Variants in GCNA observed in about 807,000 individuals in gnomAD.
GCNA encodes the protein germ cell nuclear acidic peptidase.
A neutral mutation model predicts 38.8 loss-of-function variants in GCNA; 3 were observed. The ratio of observed to expected loss-of-function variants is 0.08; its 90% CI spans 0.04 to 0.20. The LOEUF (loss-of-function observed/expected upper bound fraction) is 0.20, where lower values mean the gene tolerates loss of function less well. GCNA is among the 10% of genes least tolerant of loss of function. The pLI, the probability that GCNA is intolerant of heterozygous loss-of-function variation, is 1.00. For missense variants in GCNA, 446 were observed against 578.6 expected, an observed-to-expected ratio of 0.77 and a Z score of 2.35; for synonymous variants, 195 against 240.2, an observed-to-expected ratio of 0.81 and a Z score of 1.74.
chrX:71,600,058 C>T (rs897450287), intron 7 of GCNA, among the ~76,000 whole-genome samples: 8 of 111,985 alleles, frequency 7.1e-5, no homozygotes, highest in African/African-American at 2.6e-4. Flanking sequence ...TTTTTGTTTA[C>T]ATCCAGAATC....
chrX:71,612,324 T>C lies in GCNA; in HGVS notation c.1751-31T>C, dbSNP rs1257350559. On this transcript the variant is annotated intron_variant, in intron 11 of 12. Coordinates refer to ENST00000373696, the MANE Select transcript of GCNA (RefSeq NM_052957.5). ...AAAAAAAAAAGAGGATTGGTTTTAG[T>C]GCTCACATTTCTTTTCATTCTTCTT... is the stretch of plus-strand genomic sequence containing the variant. 37 of 866,347 alleles carry C rather than the reference T, an allele frequency of 4.3e-5. 1 individual carries two copies. The highest frequency in any genetic ancestry group is 3.9e-4 in the African/African-American group (18 of 46,464). 71.4% of individuals were successfully genotyped at this position (866,347 alleles called of 1,213,427 possible).
intron 7 of GCNA, among the ~76,000 whole-genome samples, chrX:71,599,221 G>A (rs184045130): frequency 2.6e-4 from 29 of 110,818 alleles, no homozygotes; most frequent in Non-Finnish European, 5.3e-4. Flanking sequence ...TAGCTAACCC[G>A]GGATATCAGA....
chrX:71,583,793 G>A (rs1309510955), intron 2 of GCNA, among the ~76,000 whole-genome samples: 1 of 103,726 alleles, frequency 9.6e-6, no homozygotes, highest in Non-Finnish European at 2.0e-5. Flanking sequence ...TGCCTCCTGG[G>A]TTCAAGCAAT....
chrX:71,583,242 A>C (rs750911392), intron 2 of GCNA, among the ~76,000 whole-genome samples: 1 of 112,437 alleles, frequency 8.9e-6, no homozygotes, highest in East Asian at 2.8e-4. Flanking sequence ...GCAAGGACAG[A>C]GTGTCACTCA....
intron 2 of GCNA, among the ~76,000 whole-genome samples, chrX:71,588,243 T>C (rs1056804048): frequency 8.9e-6 from 1 of 111,912 alleles, no homozygotes; most frequent in African/African-American, 3.3e-5. Context: ...ATATAGTAGA[T>C]GCTCGATAAA....
chrX:71,597,390 C>T (rs914930045), intron 6 of GCNA, among the ~76,000 whole-genome samples: 5 of 111,388 alleles, frequency 4.5e-5, no homozygotes, highest in Admixed American at 1.9e-4. Flanking sequence ...CCAGGATTAG[C>T]CGAGGATGAG....
chrX:71,612,717 G>A (rs748825198), intron 12 of GCNA, 145 bp from the exon 13 acceptor site: 56 of 972,862 alleles, frequency 5.8e-5, no homozygotes, highest in Non-Finnish European at 4.1e-5. Context: ...AATTTGAGCC[G>A]GCCTGACCAC....
rs981502698 is a variant in GCNA, at chrX:71,594,389, C to T, written c.187+12C>T. The T allele has an allele frequency of 1.7e-6, 2 of 1,184,711 alleles. No homozygotes were observed. The highest frequency in any genetic ancestry group is 3.6e-5 in the African/African-American group (2 of 56,057). On this transcript the variant is annotated intron_variant, in intron 5 of 12. Coordinates refer to ENST00000373696, the MANE Select transcript of GCNA (RefSeq NM_052957.5). ...CACCAGTGGGTCTTGTAAGTAGAGT[C>T]CACTCAAAGCAGGAACATTTTGAAG... is the stretch of plus-strand genomic sequence containing the variant.
chrX:71,599,651 C>G (rs1268802319), intron 7 of GCNA, among the ~76,000 whole-genome samples: 1 of 112,252 alleles, frequency 8.9e-6, no homozygotes, highest in Non-Finnish European at 1.9e-5. Context: ...TTGCTGTTCT[C>G]TACGTGGCAT....
Position 71,599,007 on chromosome X carries a change from A to G in GCNA, c.310+969A>G, listed in dbSNP as rs945241877. On this transcript the variant is annotated intron_variant, in intron 7 of 12. Transcript: ENST00000373696. Reference sequence around the variant, plus strand: ...AGGCGCCCGCCACCATGCCCAGCTAATTTTTTTTGTTGTTGTTTTTTTTTT... The same window carrying G: ...AGGCGCCCGCCACCATGCCCAGCTAGTTTTTTTTGTTGTTGTTTTTTTTTT... Among the ~76,000 whole-genome samples the G allele has an allele frequency of 9.3e-5, 10 of 107,133 alleles. No individual in the cohort carries two copies. The East Asian group carries it at 2.9e-3, about 31-fold the overall frequency. The allele number at this position is 107,133 out of a possible 115,157, so 93.0% of individuals were successfully genotyped here. A position where few individuals can be genotyped will look rare whatever the true frequency, so the allele number is the denominator to read the frequency against.
chrX:71,585,873 T>C (rs868454822), intron 2 of GCNA, among the ~76,000 whole-genome samples: 1 of 93,876 alleles, frequency 1.1e-5, no homozygotes, highest in African/African-American at 4.3e-5. Context: ...TGGAATCACT[T>C]TGAGATTTTG....
chrX:71,587,786 CT>C (rs1342924485), intron 2 of GCNA, among the ~76,000 whole-genome samples: 106 of 101,977 alleles, frequency 1.0e-3, no homozygotes, highest in Admixed American at 1.3e-3. Context: ...TCTTGGATTT[CT>C]TTTTTTTTTT....
chrX:71,602,653 GACCTCCGTAT>G (rs1300626299), intron 7 of GCNA, among the ~76,000 whole-genome samples: 1 of 110,984 alleles, frequency 9.0e-6, no homozygotes, highest in African/African-American at 3.3e-5. Flanking sequence ...AGAGTTGTTT[GACCTCCGTAT>G]ATACTCTAGT....
At chrX:71,600,401 C>T (rs751110217) in intron 7 of GCNA, among the ~76,000 whole-genome samples, 3 of 111,315 alleles carry the variant, frequency 2.7e-5, no homozygotes, top group Non-Finnish European at 3.8e-5. Context: ...GACATAATCA[C>T]AAAATAAAGG....
Position 71,610,742 on chromosome X carries a change from G to T in GCNA, c.1673G>T (p.Ser558Ile). ...ATGGTGAAAACTGCTGGCTTATGCA[G>T]CACTGGTGAGATGTGGTACCCAAAG... ...NKMVKTAGLC[S>I]TGEMWYPKWR... The change falls in exon 11 of 13, where the codon AGC (serine) becomes ATC (isoleucine). Residue 558 changes from serine (S) to isoleucine (I), a missense_variant. Physicochemically the swap from Ser to Ile is moderately radical, Grantham distance 142. Transcript: ENST00000373696. 2.5e-6 allele frequency: 3 copies of T among 1,212,495 alleles called. No homozygotes were observed. The highest frequency in any genetic ancestry group is 3.3e-6 in the Non-Finnish European group (3 of 895,587).
rs1399100876 is a variant in GCNA, at chrX:71,603,599, G to A, written c.322G>A (p.Glu108Lys). ...CTCTTGAATTTCAGATGAGAGTCCG[G>A]AGTGTTGTCATGTGAAGCCTGCCAT... Reference protein sequence around the residue: ...LEINSDDESPECCHVKPAIQE... With the variant: ...LEINSDDESPKCCHVKPAIQE... The change falls in exon 8 of 13, where the codon GAG (glutamate) becomes AAG (lysine). Residue 108 changes from glutamate (E) to lysine (K), a missense_variant. Around this residue, in one of 7 missense-constraint regions of GCNA, gnomAD observed 118 missense variants for 122.8 expected, o/e 0.96. Transcript: ENST00000373696. 2.4e-5 allele frequency: 29 copies of A among 1,209,153 alleles called. No individual in the cohort carries two copies. The highest frequency in any genetic ancestry group is 3.1e-5 in the Non-Finnish European group (28 of 893,662).
At chrX:71,612,306 A>G in intron 11 of GCNA, 49 bp from the exon 12 acceptor site, 2 of 832,028 alleles carry the variant, frequency 2.4e-6, no homozygotes, top group Non-Finnish European at 3.3e-6. Context: ...AAAAAAAAAA[A>G]AAGAGGATTG....
At chrX:71,603,156 G>A (rs2040729928) in intron 7 of GCNA, among the ~76,000 whole-genome samples, 1 of 112,077 alleles carries the variant, frequency 8.9e-6, no homozygotes, top group African/African-American at 3.2e-5. Context: ...TTTTATGCCA[G>A]TACCATGCTG....
chrX:71,590,440 T>G (rs750225464), intron 2 of GCNA, among the ~76,000 whole-genome samples: 3 of 112,008 alleles, frequency 2.7e-5, no homozygotes, highest in Admixed American at 9.5e-5. Flanking sequence ...TGCTGTTTAC[T>G]GACAACTAAC....
Sources: allele counts gnomAD v4.1 joint callset (sites outside exome capture counted in the v4.1 genomes callset), GRCh38; gene constraint gnomAD v4.1.1; regional missense constraint gnomAD v4.1.1; transcripts MANE v1.5; gene names NCBI Gene and HGNC (gene_info 2026-07-23, HGNC 2026-07-21).